NKIRAS1: variants seen among roughly 807,000 people sequenced by gnomAD.
The protein encoded by NKIRAS1 is NF-kappa-B inhibitor-interacting Ras-like protein 1.
In NKIRAS1, 16 loss-of-function variants were observed where a neutral mutation model predicts 19.8. The observed-to-expected ratio is 0.81, with a 90% CI of 0.55 to 1.23. The LOEUF is 1.23. NKIRAS1 is among the 50% of genes most tolerant of loss of function. NKIRAS1 has a pLI of 0.00. For synonymous variants in NKIRAS1, 88 were observed against 79.0 expected, an observed-to-expected ratio of 1.11 and a Z score of -0.61; for missense variants, 184 against 220.0, an observed-to-expected ratio of 0.84 and a Z score of 1.04.
intron 4 of NKIRAS1, among the ~76,000 whole-genome samples, chr3:23,898,797 C>G (rs562054778): frequency 1.3e-5 from 2 of 152,188 alleles, no homozygotes; most frequent in East Asian, 3.9e-4. Context: ...TGCGCTGGTA[C>G]CAGTCCAGGG....
At position 23,892,673 on chromosome 3, in the gene NKIRAS1, T is replaced by A. The variant is rs886939850; in HGVS notation, c.*422A>T. Reference sequence around the variant, plus strand: ...ATGTTTTATAATCCTAGACATTAGATTAATGAACTTTTTAAAAACAAAGTC... The same window carrying A: ...ATGTTTTATAATCCTAGACATTAGAATAATGAACTTTTTAAAAACAAAGTC... On this transcript the variant is annotated 3_prime_UTR_variant, in exon 5 of 5. Transcript: ENST00000425478. The A allele has an allele frequency of 1.3e-5, 2 of 152,982 alleles. No individual in the cohort carries two copies. Among genetic ancestry groups the A allele is most frequent in the African/African-American group, 4.8e-5 (2 of 41,466 alleles). The allele number at this position is 152,982 out of a possible 1,614,324, so 9.5% of individuals were successfully genotyped here.
intron 4 of NKIRAS1, among the ~76,000 whole-genome samples, chr3:23,895,028 A>G (rs1408364780): frequency 6.6e-6 from 1 of 152,086 alleles, no homozygotes; most frequent in African/African-American, 2.4e-5. Flanking sequence ...TCCCGTGGTC[A>G]TATCCTAGAC....
At chr3:23,909,869 T>TG (rs1458163213) in intron 3 of NKIRAS1, among the ~76,000 whole-genome samples, 24 of 149,586 alleles carry the variant, frequency 1.6e-4, no homozygotes, top group East Asian at 6.0e-4. Context: ...TTTTTGTTTT[T>TG]TTTTTTTTGA....
upstream of NKIRAS1, chr3:23,918,590 A>C: frequency 6.2e-7 from 1 of 1,612,460 alleles, no homozygotes; most frequent in Non-Finnish European, 8.5e-7. Flanking sequence ...AATGGTTTTG[A>C]GTAGCAGTTA....
chr3:23,898,298 T>C (rs1241789353), intron 4 of NKIRAS1, among the ~76,000 whole-genome samples: 1 of 151,812 alleles, frequency 6.6e-6, no homozygotes, highest in Non-Finnish European at 1.5e-5. Flanking sequence ...AACAGATAAA[T>C]GGTTAAAAAG....
intron 4 of NKIRAS1, among the ~76,000 whole-genome samples, chr3:23,898,069 T>C (rs1702153997): frequency 6.6e-6 from 1 of 152,074 alleles, no homozygotes; most frequent in Non-Finnish European, 1.5e-5. Context: ...TACGTGAGTG[T>C]TCATTGACCT....
intron 1 of NKIRAS1, among the ~76,000 whole-genome samples, chr3:23,913,040 C>CAAAA (rs1169515621): frequency 2.3e-3 from 108 of 47,662 alleles, no homozygotes; most frequent in African/African-American, 6.5e-3. Context: ...GACTCCGTCT[C>CAAAA]AAAAAAAAAA....
chr3:23,918,302 A>G (rs1355098688), upstream of NKIRAS1: 7 of 1,050,758 alleles, frequency 6.7e-6, no homozygotes, highest in Non-Finnish European at 9.5e-6. Flanking sequence ...AAAGACTGGG[A>G]TGTGTTTTAT....
chr3:23,920,462 T>C, upstream of NKIRAS1: 1 of 985,420 alleles, frequency 1.0e-6, no homozygotes, highest in Non-Finnish European at 1.2e-6. Flanking sequence ...TTCCACAAAG[T>C]TGGACCATCA....
At chr3:23,939,312 G>A (rs1481254041) in intron 1 of NKIRAS1, among the ~76,000 whole-genome samples, 1 of 152,038 alleles carries the variant, frequency 6.6e-6, no homozygotes, top group Non-Finnish European at 1.5e-5. Flanking sequence ...TCAAGATAAA[G>A]AGCAGAAATC....
chr3:23,942,189 G>A (rs1705512593), intron 1 of NKIRAS1, among the ~76,000 whole-genome samples: 1 of 152,046 alleles, frequency 6.6e-6, no homozygotes, highest in Non-Finnish European at 1.5e-5. Context: ...AAGTTGGCCA[G>A]GCTGGTCTTG....
intron 1 of NKIRAS1, among the ~76,000 whole-genome samples, chr3:23,924,657 C>T (rs1252186135): frequency 6.6e-6 from 1 of 152,160 alleles, no homozygotes; most frequent in Non-Finnish European, 1.5e-5. Flanking sequence ...CCGTCTTGGC[C>T]TCCCAAAGTG....
At chr3:23,920,098 A>C, upstream of NKIRAS1, 1 of 985,902 alleles carries the variant, frequency 1.0e-6, no homozygotes, top group Non-Finnish European at 1.2e-6. Flanking sequence ...ATGTGCGATA[A>C]AATTATTAGC....
intron 1 of NKIRAS1, chr3:23,924,138 T>C (rs950407364): frequency 6.6e-6 from 1 of 152,256 alleles, no homozygotes; most frequent in African/African-American, 2.4e-5. Flanking sequence ...CTCAACCGCA[T>C]CAGACAGCAT....
chr3:23,937,567 T>TC (rs1315232422), intron 1 of NKIRAS1, among the ~76,000 whole-genome samples: 2 of 151,748 alleles, frequency 1.3e-5, no homozygotes, highest in Admixed American at 6.6e-5. Flanking sequence ...TTTTTTTTTT[T>TC]CCCTCACCCC....
intron 1 of NKIRAS1, among the ~76,000 whole-genome samples, chr3:23,912,106 T>A (rs949644456): frequency 6.6e-6 from 1 of 152,114 alleles, no homozygotes; most frequent in Admixed American, 6.5e-5. Context: ...TGAGGAAGAA[T>A]AGACAACTCT....
chr3:23,924,368 G>A (rs994705627), intron 1 of NKIRAS1: 1 of 152,148 alleles, frequency 6.6e-6, no homozygotes, highest in African/African-American at 2.4e-5. Flanking sequence ...ATTGGAAGGA[G>A]CTGCTAGCTC....
At chr3:23,903,327 C>G (rs1193418233) in intron 3 of NKIRAS1, among the ~76,000 whole-genome samples, 1 of 152,108 alleles carries the variant, frequency 6.6e-6, no homozygotes, top group Non-Finnish European at 1.5e-5. Flanking sequence ...GTTGCCCAGG[C>G]TGGTCTTGAA....
chr3:23,892,020 T>C lies in NKIRAS1; in HGVS notation c.*1075A>G, dbSNP rs1196142477. The C allele has an allele frequency of 2.0e-5, 3 of 152,242 alleles. No individual in the cohort carries two copies. Among genetic ancestry groups the C allele is most frequent in the East Asian group, 3.8e-4 (2 of 5,202 alleles). 9.4% of individuals were successfully genotyped at this position (152,242 alleles called of 1,614,324 possible). On this transcript the variant is annotated 3_prime_UTR_variant, in exon 5 of 5. Transcript: ENST00000425478. ...TGATTTGTAAGTATCGTCTTTTATATGTAGTAGTTCTTCACTAGAGCTCAT... is the reference window on the plus strand; with the variant it reads ...TGATTTGTAAGTATCGTCTTTTATACGTAGTAGTTCTTCACTAGAGCTCAT...
Sources: gnomAD v4.1 joint callset for allele counts (sites outside exome capture counted in the v4.1 genomes callset) on GRCh38, gnomAD v4.1.1 for gene constraint, MANE v1.5 for transcripts, NCBI Gene and HGNC (gene_info 2026-07-23, HGNC 2026-07-21) for gene names.